ANK2: variants seen among roughly 807,000 people sequenced by gnomAD.
The protein encoded by ANK2 is ankyrin-2.
In ANK2, 83 loss-of-function variants were observed where a neutral mutation model predicts 360.5. That is an observed-to-expected ratio of 0.23 (90% CI 0.19 to 0.28). The LOEUF (loss-of-function observed/expected upper bound fraction) is 0.28. ANK2 is among the 10% of genes least tolerant of loss of function. The pLI is 1.00. For missense variants in ANK2, 4,201 were observed against 4,795.7 expected, an observed-to-expected ratio of 0.88 and a Z score of 3.66; for synonymous variants, 1,740 against 1,759.5, an observed-to-expected ratio of 0.99 and a Z score of 0.28.
chr4:113,075,478 T>C (rs1200790423), intron 1 of ANK2, among the ~76,000 whole-genome samples: 1 of 152,158 alleles, frequency 6.6e-6, no homozygotes, highest in African/African-American at 2.4e-5. Context: ...GTCCTCAACA[T>C]CACCTCTGAA....
chr4:112,922,117 C>T (rs1561110135), intron 2 of ANK2, among the ~76,000 whole-genome samples: 1 of 152,224 alleles, frequency 6.6e-6, no homozygotes, highest in Admixed American at 6.5e-5. Context: ...TGCCCACATA[C>T]ACCAGTTTCT....
rs1029831191 is a variant in ANK2, at chr4:112,921,911, C to A, written c.21+17397C>A. Among the ~76,000 whole-genome samples, 6 of 152,156 alleles carry A rather than the reference C, an allele frequency of 3.9e-5. No homozygotes were observed. The South Asian group carries it at 1.2e-3, about 32-fold the overall frequency. On this transcript the variant is annotated intron_variant, in intron 2 of 30. Transcript: ENST00000503271. ...GTACCAGATGGAATAAAACTCTGGT[C>A]TGAAAGAAGTTTCTGATGCTGGTAA...
At position 113,196,350 on chromosome 4, in the gene ANK2, G is replaced by A; in HGVS notation, c.187-18G>A. 1 of 1,605,916 alleles carries A rather than the reference G, an allele frequency of 6.2e-7. No individual in the cohort carries two copies. Among genetic ancestry groups the A allele is most frequent in the Non-Finnish European group, 8.5e-7 (1 of 1,173,894 alleles). On this transcript the variant is annotated intron_variant, in intron 2 of 45. Transcript: ENST00000357077. The stretch of plus-strand genomic sequence containing the variant: ...TCATTACTTCACTTCTTAAAGCCTT[G>A]TTTGTTTCTTCTCTCAGAATGGACT...
chr4:113,339,247 G>T lies in ANK2; in HGVS notation c.3818G>T (p.Trp1273Leu), dbSNP rs1278096936. 6.2e-7 allele frequency: 1 copy of T among 1,613,756 alleles called. No homozygotes were observed. Among genetic ancestry groups the T allele is most frequent in the East Asian group, 2.2e-5 (1 of 44,858 alleles). Residue 1273 changes from tryptophan (W) to leucine (L), a missense_variant, in exon 32 of 46, where the codon TGG becomes TTG. By Grantham distance (61) the Trp-to-Leu change is moderately conservative. Around this residue, in one of 4 missense-constraint regions of ANK2, gnomAD observed 1,268 missense variants for 1,650.8 expected, o/e 0.77. Coordinates refer to ENST00000357077, the MANE Select transcript of ANK2 (RefSeq NM_001148.6). ...SITGGTTPAQ[W>L]EDITGTTPLT... is the part of the protein sequence containing the mutation. ...TCAGGTGGAACCACCCCTGCCCAGT[G>T]GGAAGATATTACAGGAACTACGCCA...
intron 2 of ANK2, among the ~76,000 whole-genome samples, chr4:112,981,473 A>G (rs1281482059): frequency 6.6e-6 from 1 of 152,226 alleles, no homozygotes; most frequent in Non-Finnish European, 1.5e-5. Context: ...ATAACCTGGA[A>G]TGAAAGCGAC....
intron 1 of ANK2, among the ~76,000 whole-genome samples, chr4:113,081,122 G>A (rs988665280): frequency 2.6e-5 from 4 of 152,018 alleles, no homozygotes; most frequent in Non-Finnish European, 1.5e-5. Context: ...AAAGAATTTG[G>A]TTTCTTGAAA....
intron 2 of ANK2, among the ~76,000 whole-genome samples, chr4:113,190,565 A>G (rs2098643922): frequency 6.6e-6 from 1 of 152,148 alleles, no homozygotes; most frequent in East Asian, 1.9e-4. Context: ...GATATTTTCT[A>G]TTAAAAAATA....
intron 2 of ANK2, among the ~76,000 whole-genome samples, chr4:112,986,373 T>C (rs1040265364): frequency 1.3e-5 from 2 of 152,254 alleles, no homozygotes; most frequent in Admixed American, 6.5e-5. Flanking sequence ...TATGAAGCCA[T>C]GTGTTTTGGT....
At chr4:113,116,679 G>C (rs1484581654) in intron 1 of ANK2, among the ~76,000 whole-genome samples, 1 of 152,208 alleles carries the variant, frequency 6.6e-6, no homozygotes, top group Non-Finnish European at 1.5e-5. Context: ...CCGTAGCAAC[G>C]GCAGTAACAG....
intron 26 of ANK2, among the ~76,000 whole-genome samples, chr4:113,318,849 C>T (rs962888064): frequency 6.6e-6 from 1 of 152,138 alleles, no homozygotes; most frequent in South Asian, 2.1e-4. Context: ...TGTTTTAAAA[C>T]AACTAGTAGA....
chr4:113,231,029 T>C (rs530013151), intron 4 of ANK2, among the ~76,000 whole-genome samples: 26 of 152,050 alleles, frequency 1.7e-4, no homozygotes, highest in South Asian at 4.2e-4. Context: ...CACTGAAATA[T>C]AGACTTTTAC....
At chr4:112,959,473 A>G (rs1169681166) in intron 2 of ANK2, among the ~76,000 whole-genome samples, 1 of 152,186 alleles carries the variant, frequency 6.6e-6, no homozygotes, top group Non-Finnish European at 1.5e-5. Flanking sequence ...GTGATGCTTT[A>G]ATCAATGTTT....
chr4:112,738,642 C>T, the ANK2 span: 142 of 559,302 alleles, frequency 2.5e-4, 1 homozygote, highest in Middle Eastern at 3.2e-4. Context: ...GGCTGCCTAC[C>T]GAGGTGGCAG....
At chr4:112,763,612 A>G in the ANK2 span, among the ~76,000 whole-genome samples, 53,490 of 148,886 alleles carry the variant, frequency 0.36, 9,839 homozygotes, top group East Asian at 0.61. Context: ...GGCTCACTGC[A>G]AGCTCCACCT....
chr4:112,834,182 T>C (rs2060489668), intron 1 of ANK2, among the ~76,000 whole-genome samples: 2 of 152,210 alleles, frequency 1.3e-5, no homozygotes, highest in Non-Finnish European at 1.5e-5. Flanking sequence ...GTTCAATGCA[T>C]ATATCAATAT....
rs191739655 is a variant in ANK2, at chr4:113,065,226, C to T, written c.84+15414C>T. 3.1e-3 allele frequency among the ~76,000 whole-genome samples: 473 copies of T among 150,514 alleles called. 8 individuals carry two copies. Among genetic ancestry groups the T allele is most frequent in the African/African-American group, 0.011 (456 of 40,940 alleles). ...CTTCTAACAAAAATGTTAGAAAGTT[C>T]TGTAGAACTTCTAACAAAAATGTTA... On this transcript the variant is annotated intron_variant, in intron 1 of 45. Transcript: ENST00000357077.
Position 112,842,777 on chromosome 4 carries a change from A to G in ANK2, c.-40+24513A>G, listed in dbSNP as rs1274926812. Among the ~76,000 whole-genome samples the G allele has an allele frequency of 2.6e-5, 4 of 152,172 alleles. No homozygotes were observed. The East Asian group carries it at 5.8e-4, about 22-fold the overall frequency. On this transcript the variant is annotated intron_variant, in intron 1 of 30. Transcript: ENST00000503271. The stretch of plus-strand genomic sequence containing the variant: ...GGACTGGGGACCGCTGCCTTAATCT[A>G]TTAAGCAATTATATTAGTTTCTTGT...
the ANK2 span, among the ~76,000 whole-genome samples, chr4:112,789,900 G>T: frequency 6.6e-6 from 1 of 152,194 alleles, no homozygotes; most frequent in Non-Finnish European, 1.5e-5. Context: ...TGTTAGGATG[G>T]CTACTATTAA....
chr4:113,055,275 C>T (rs1280337485), intron 1 of ANK2, among the ~76,000 whole-genome samples: 2 of 152,102 alleles, frequency 1.3e-5, no homozygotes, highest in Non-Finnish European at 2.9e-5. Context: ...GTTGTACATG[C>T]CAGTAGTCCC....
Sources: allele counts gnomAD v4.1 joint callset (sites outside exome capture counted in the v4.1 genomes callset), GRCh38; gene constraint gnomAD v4.1.1; regional missense constraint gnomAD v4.1.1; transcripts MANE v1.5; gene names NCBI Gene and HGNC (gene_info 2026-07-23, HGNC 2026-07-21).